NPR3: variants seen among roughly 807,000 people sequenced by gnomAD.
NPR3 encodes the protein natriuretic peptide receptor 3.
In NPR3, 34 loss-of-function variants were observed where a neutral mutation model predicts 54.5. The observed-to-expected ratio is 0.62, with a 90% confidence interval of 0.47 to 0.83. The LOEUF (loss-of-function observed/expected upper bound fraction) is 0.83. NPR3 is among the 40% of genes least tolerant of loss of function. The probability of loss-of-function intolerance (pLI) is 0.00; values close to 1 mark genes in which losing one functional copy is unlikely to be tolerated. For synonymous variants in NPR3, 289 were observed against 297.1 expected (o/e 0.97, Z 0.28); for missense variants, 674 against 720.8 (o/e 0.94, Z 0.74).
rs368653320 is a variant in NPR3 at position 32,780,765 on chromosome 5, T to C, written c.1239T>C (p.Tyr413=). The C allele has an allele frequency of 2.1e-5, 33 of 1,603,274 alleles. No individual in the cohort carries two copies. The highest frequency in any genetic ancestry group is 2.8e-5 in the Non-Finnish European group (33 of 1,170,256). The stretch of plus-strand genomic sequence containing the variant: ...CCATAGATGCCAACGGAGACCGATA[T>C]GGGGATTTCTCTGTGATTGCCATGA... The part of the protein sequence containing the change: ...QVSIDANGDR[Y]GDFSVIAMTD... The change falls in exon 5 of 8, where the codon TAT becomes TAC. Residue 413 remains tyrosine, a synonymous_variant. Coordinates refer to ENST00000265074, the MANE Select transcript of NPR3 (RefSeq NM_001204375.2).
At chr5:32,720,470 G>A (rs1480520455) in intron 1 of NPR3, among the ~76,000 whole-genome samples, 1 of 152,176 alleles carries the variant, frequency 6.6e-6, no homozygotes. Flanking sequence ...TCTCTCTGCT[G>A]TTCTTAGAGT....
At chr5:32,692,724 A>G (rs1364158838) in intron 1 of NPR3, among the ~76,000 whole-genome samples, 1 of 152,232 alleles carries the variant, frequency 6.6e-6, no homozygotes, top group South Asian at 2.1e-4. Flanking sequence ...GTAATAGAAA[A>G]TTTCCTCATT....
rs1467302414 is a variant in NPR3, at chr5:32,790,766, GT to G, written c.*4425del. 3.6e-5 allele frequency: 6 copies of G among 167,042 alleles called. No homozygotes were observed. Among genetic ancestry groups the G allele is most frequent in the Non-Finnish European group, 7.3e-5 (5 of 68,124 alleles). 10.3% of individuals were successfully genotyped at this position (167,042 alleles called of 1,614,324 possible). On this transcript the variant is annotated 3_prime_UTR_variant, in exon 8 of 8. Coordinates refer to ENST00000265074, the MANE Select transcript of NPR3 (RefSeq NM_001204375.2). ...ACCAGCTGATGCTGTCAGTGTTCAA[GT>G]TTTAAGTGACTTCAAACACAATGGA...
intron 2 of NPR3, among the ~76,000 whole-genome samples, chr5:32,733,485 C>T (rs75494737): frequency 9.9e-5 from 15 of 152,242 alleles, no homozygotes; most frequent in Middle Eastern, 3.4e-3. Flanking sequence ...CTTATCTGGG[C>T]GATCCTGTCT....
chr5:32,704,476 C>T (rs1466401435), upstream of NPR3, among the ~76,000 whole-genome samples: 1 of 151,884 alleles, frequency 6.6e-6, no homozygotes, highest in Admixed American at 6.6e-5. Context: ...CTTGCTCTGT[C>T]TTCCAAATGA....
chr5:32,711,304 C>G, upstream of NPR3: 1 of 981,436 alleles, frequency 1.0e-6, no homozygotes, highest in Non-Finnish European at 1.2e-6. Context: ...TAAACGCGGG[C>G]TATGGATCCA....
chr5:32,721,679 A>G (rs575823736), intron 1 of NPR3, among the ~76,000 whole-genome samples: 1 of 152,174 alleles, frequency 6.6e-6, no homozygotes, highest in African/African-American at 2.4e-5. Context: ...ATAACAACAG[A>G]AAAGAAAACA....
At chr5:32,703,125 A>G (rs1464375115) in intron 1 of NPR3, among the ~76,000 whole-genome samples, 1 of 152,124 alleles carries the variant, frequency 6.6e-6, no homozygotes, top group African/African-American at 2.4e-5. Context: ...GATTATGATG[A>G]GTACTTCCTG....
At chr5:32,769,363 C>T (rs1192435281) in intron 3 of NPR3, among the ~76,000 whole-genome samples, 1 of 152,182 alleles carries the variant, frequency 6.6e-6, no homozygotes, top group Non-Finnish European at 1.5e-5. Context: ...TATCTACCAC[C>T]TCCAGTGGTC....
chr5:32,789,286 G>A lies in NPR3; in HGVS notation c.*2941G>A, dbSNP rs2287661. On this transcript the variant is annotated 3_prime_UTR_variant, in exon 8 of 8. Transcript: ENST00000265074. ...CATCATTGTCTTCTTAGATTTTTGG[G>A]TAGGGGGGCCAGGTAGGGGGAGACT... is the stretch of plus-strand genomic sequence containing the variant. 174,705 of 417,218 alleles carry A rather than the reference G, an allele frequency of 0.42. 38,774 individuals carry two copies. The highest frequency in any genetic ancestry group is 0.65 in the East Asian group (11,063 of 17,086). 25.8% of individuals were successfully genotyped at this position (417,218 alleles called of 1,614,324 possible).
At chr5:32,724,962 T>C in intron 2 of NPR3, 142 bp downstream of exon 2, 2 of 942,828 alleles carry the variant, frequency 2.1e-6, no homozygotes, top group South Asian at 1.7e-5. Flanking sequence ...AATGGAATCA[T>C]GTCTTTTGCA....
chr5:32,730,428 G>A (rs964958664), intron 2 of NPR3, among the ~76,000 whole-genome samples: 4 of 152,212 alleles, frequency 2.6e-5, no homozygotes, highest in African/African-American at 9.6e-5. Flanking sequence ...AAGCAAGGAT[G>A]TTCACTTTCA....
chr5:32,728,435 C>T (rs906594032), intron 2 of NPR3, among the ~76,000 whole-genome samples: 2 of 149,368 alleles, frequency 1.3e-5, no homozygotes, highest in African/African-American at 5.0e-5. Context: ...TGCACTCCAG[C>T]CTGGGCAACA....
At chr5:32,762,971 C>A (rs1741256379) in intron 3 of NPR3, among the ~76,000 whole-genome samples, 1 of 152,174 alleles carries the variant, frequency 6.6e-6, no homozygotes, top group Non-Finnish European at 1.5e-5. Context: ...TTAGGTCTTA[C>A]ATTTAAGTCT....
chr5:32,744,745 C>T (rs752651225), intron 3 of NPR3, among the ~76,000 whole-genome samples: 11 of 152,206 alleles, frequency 7.2e-5, no homozygotes, highest in Non-Finnish European at 1.2e-4. Context: ...TTCCTCAGGA[C>T]AGTCTTTCCT....
intron 3 of NPR3, among the ~76,000 whole-genome samples, chr5:32,766,016 G>T (rs1741440476): frequency 6.6e-6 from 1 of 152,194 alleles, no homozygotes; most frequent in African/African-American, 2.4e-5. Flanking sequence ...GTGGCATCTG[G>T]TCTGGGAGAG....
chr5:32,740,877 C>A (rs999663614), intron 3 of NPR3, among the ~76,000 whole-genome samples: 1 of 151,912 alleles, frequency 6.6e-6, no homozygotes, highest in African/African-American at 2.4e-5. Context: ...ACAGAGCCTA[C>A]GTTTAAGGAA....
chr5:32,761,113 G>A (rs953811274), intron 3 of NPR3, among the ~76,000 whole-genome samples: 7 of 151,762 alleles, frequency 4.6e-5, no homozygotes, highest in African/African-American at 1.7e-4. Context: ...CCCCTAATTT[G>A]TCCTTCTCTT....
In NPR3 at chr5:32,711,827, G is replaced by A; in HGVS notation, c.51G>A (p.Trp17Ter). The part of the protein sequence containing the change: ...LTFSPCVLLG[W>*]ALLAGGTGGG... ...TCTCCCCGTGCGTACTACTCGGCTG[G>A]GCGTTGCTGGCCGGCGGCACCGGTG... The change falls in exon 1 of 8, where the codon TGG becomes TGA. Residue 17 changes from tryptophan to a stop codon, truncating the protein, a stop_gained. Transcript: ENST00000265074. LOFTEE classifies it high-confidence loss of function. 6.9e-7 allele frequency: 1 copy of A among 1,459,322 alleles called. No individual in the cohort carries two copies. Among genetic ancestry groups the A allele is most frequent in the Non-Finnish European group, 9.0e-7 (1 of 1,107,266 alleles). The allele number at this position is 1,459,322 out of a possible 1,614,324, so 90.4% of individuals were successfully genotyped here. A position where few individuals can be genotyped will look rare whatever the true frequency, so the allele number is the denominator to read the frequency against.
Sources: allele counts gnomAD v4.1 joint callset (sites outside exome capture counted in the v4.1 genomes callset), GRCh38; gene constraint gnomAD v4.1.1; transcripts MANE v1.5; gene names NCBI Gene and HGNC (gene_info 2026-07-23, HGNC 2026-07-21).